The following EFL1 variants were observed in gnomAD, a reference collection of about 807,000 sequenced individuals.
The protein encoded by EFL1 is elongation factor like GTPase 1, also known as elongation factor-like GTPase 1.
EFL1 carries 76 observed loss-of-function variants against 126.7 expected under a neutral mutation model. The observed-to-expected ratio is 0.60, with a 90% CI of 0.50 to 0.73. The LOEUF is 0.73. Among genes scored for constraint, EFL1 ranks in the 30% least tolerant of loss-of-function variants. The pLI is 0.00. For missense variants in EFL1, 1,128 were observed against 1,343.2 expected (o/e 0.84, Z 2.50); for synonymous variants, 410 against 448.4 (o/e 0.91, Z 1.08).
intron 7 of EFL1, among the ~76,000 whole-genome samples, chr15:82,231,874 A>G (rs1355850849): frequency 1.3e-5 from 2 of 152,174 alleles, no homozygotes; most frequent in Non-Finnish European, 2.9e-5. Context: ...TGCCTCAAAA[A>G]GAAAGCAGGC....
At chr15:82,134,839 T>C (rs2073703661) in intron 19 of EFL1, among the ~76,000 whole-genome samples, 1 of 152,264 alleles carries the variant, frequency 6.6e-6, no homozygotes, top group Admixed American at 6.5e-5. Context: ...ATGAGATTGC[T>C]GACTTCAAAG....
intron 15 of EFL1, among the ~76,000 whole-genome samples, chr15:82,181,622 A>ATGTGTGTGTG (rs35063141): frequency 0.15 from 21,791 of 149,218 alleles, 2,917 homozygotes; most frequent in African/African-American, 0.36. Flanking sequence ...ATGTGTGTGC[A>ATGTGTGTGTG]TGTGTGTGTG....
In EFL1 at chr15:82,130,359, C is replaced by T. The variant is rs2141202960; in HGVS notation, c.*14G>A. ...AATTCACTATAAGGAAAAGAATCCA[C>T]CAGTAGTAGGTAGCTACTTATTTTT... On this transcript the variant is annotated 3_prime_UTR_variant, in exon 20 of 20. Coordinates refer to ENST00000268206, the MANE Select transcript of EFL1 (RefSeq NM_024580.6). The T allele has an allele frequency of 6.2e-7, 1 of 1,611,590 alleles. No homozygotes were observed. The highest frequency in any genetic ancestry group is 2.2e-5 in the East Asian group (1 of 44,842).
chr15:82,220,972 A>T (rs1250356037), intron 12 of EFL1, among the ~76,000 whole-genome samples: 1 of 152,148 alleles, frequency 6.6e-6, no homozygotes, highest in Non-Finnish European at 1.5e-5. Flanking sequence ...GTTTCCTAGG[A>T]CTTGGCTCCC....
At chr15:82,235,169 T>C (rs1449806919) in intron 7 of EFL1, among the ~76,000 whole-genome samples, 1 of 152,202 alleles carries the variant, frequency 6.6e-6, no homozygotes, top group African/African-American at 2.4e-5. Flanking sequence ...AGCTGAGTGA[T>C]GCTGAACAAA....
At chr15:82,206,905 A>C (rs1248410252) in intron 15 of EFL1, among the ~76,000 whole-genome samples, 1 of 152,148 alleles carries the variant, frequency 6.6e-6, no homozygotes, top group Non-Finnish European at 1.5e-5. Flanking sequence ...TATAATGCTG[A>C]TATCAAAACT....
Position 82,152,032 on chromosome 15 carries a change from C to T in EFL1, c.2422G>A (p.Glu808Lys), listed in dbSNP as rs2073915939. The T allele has an allele frequency of 6.2e-7, 1 of 1,613,988 alleles. No homozygotes were observed. The change falls in exon 18 of 20, where the codon GAG becomes AAG. Residue 808 changes from glutamate (E) to lysine (K), a missense_variant. Transcript: ENST00000268206. ...CATCTTCTCCCTGTTAGGTGTTGCTCCAGTTTTCCTTTGAATTCCCAAATT... is the reference window on the plus strand; with the variant it reads ...CATCTTCTCCCTGTTAGGTGTTGCTTCAGTTTTCCTTTGAATTCCCAAATT... The part of the protein sequence containing the change: ...EKIWEFKGKL[E>K]QHLTGRRWRN...
At chr15:82,261,609 C>T in intron 2 of EFL1, 79 bp downstream of exon 2, 1 of 1,358,834 alleles carries the variant, frequency 7.4e-7, no homozygotes, top group Non-Finnish European at 1.0e-6. Flanking sequence ...CTCAGCTGTC[C>T]ACAGCTTCAC....
intron 18 of EFL1, among the ~76,000 whole-genome samples, chr15:82,141,108 C>T (rs2073781963): frequency 6.6e-6 from 1 of 152,142 alleles, no homozygotes; most frequent in South Asian, 2.1e-4. Flanking sequence ...TGTGACTAGA[C>T]CTGTATTTCC....
intron 19 of EFL1, 95 bp from the exon 20 acceptor site, chr15:82,130,656 G>T: frequency 1.5e-6 from 2 of 1,350,708 alleles, no homozygotes; most frequent in Non-Finnish European, 2.0e-6. Context: ...CTTAGCTAAT[G>T]AAAAAAAGTT....
At chr15:82,181,386 ATC>A (rs2074249822) in intron 15 of EFL1, among the ~76,000 whole-genome samples, 2 of 152,216 alleles carry the variant, frequency 1.3e-5, no homozygotes, top group South Asian at 2.1e-4. Flanking sequence ...ACAGAAAAAT[ATC>A]TGTTACCTGA....
At chr15:82,252,449 T>G (rs1228616406) in intron 4 of EFL1, among the ~76,000 whole-genome samples, 1 of 152,200 alleles carries the variant, frequency 6.6e-6, no homozygotes, top group African/African-American at 2.4e-5. Flanking sequence ...AAGGAATCCA[T>G]ATAATCACCT....
intron 7 of EFL1, among the ~76,000 whole-genome samples, chr15:82,232,861 G>C (rs545969277): frequency 1.3e-5 from 2 of 151,952 alleles, no homozygotes; most frequent in East Asian, 3.9e-4. Flanking sequence ...TGGTACAACT[G>C]TTTTGATCAG....
At chr15:82,247,715 T>C (rs2074985624) in intron 4 of EFL1, among the ~76,000 whole-genome samples, 1 of 152,044 alleles carries the variant, frequency 6.6e-6, no homozygotes, top group Non-Finnish European at 1.5e-5. Context: ...TGTAGCGATG[T>C]TTGTTTCTCT....
chr15:82,240,240 G>A (rs1292559217), intron 6 of EFL1, among the ~76,000 whole-genome samples, 178 bp downstream of exon 6: 1 of 152,150 alleles, frequency 6.6e-6, no homozygotes, highest in African/African-American at 2.4e-5. Flanking sequence ...TCCAAGAGAT[G>A]GAAAAGACTA....
chr15:82,147,417 G>A (rs965517900), intron 18 of EFL1, among the ~76,000 whole-genome samples: 16 of 151,850 alleles, frequency 1.1e-4, no homozygotes, highest in Non-Finnish European at 2.2e-4. Context: ...ATCACTTGAG[G>A]CCAGGAGTTT....
At chr15:82,134,827 T>C (rs1337386233) in intron 19 of EFL1, among the ~76,000 whole-genome samples, 1 of 152,236 alleles carries the variant, frequency 6.6e-6, no homozygotes, top group Non-Finnish European at 1.5e-5. Flanking sequence ...GAAAGAGAAA[T>C]TATGAGATTG....
Position 82,201,031 on chromosome 15 carries a change from C to T in EFL1, c.1750+13686G>A, listed in dbSNP as rs370383446. On this transcript the variant is annotated intron_variant, in intron 15 of 19. Transcript: ENST00000268206. ...GAGACTACATGCAAGTGCCACCATGCCTGTTTTTTTATTTTTCTATTGTTT... is the reference window on the plus strand; with the variant it reads ...GAGACTACATGCAAGTGCCACCATGTCTGTTTTTTTATTTTTCTATTGTTT... Among the ~76,000 whole-genome samples the T allele has an allele frequency of 1.4e-3, 213 of 152,276 alleles. 1 individual carries two copies. The highest frequency in any genetic ancestry group is 4.9e-3 in the African/African-American group (205 of 41,558).
chr15:82,225,202 C>A lies in EFL1; in HGVS notation c.1255G>T (p.Ala419Ser), dbSNP rs772986932. 1.8e-5 allele frequency: 29 copies of A among 1,611,792 alleles called. No homozygotes were observed. Among genetic ancestry groups the A allele is most frequent in the Non-Finnish European group, 2.5e-5 (29 of 1,179,366 alleles). ...PVIIFVSKMFAVDAKALPQNK... is the reference protein window; with the variant it reads ...PVIIFVSKMFSVDAKALPQNK... ...TGAGGCAAGGCCTTAGCATCAACTGCAAACATTTTGGAAACAAATATAATA... is the reference window on the plus strand; with the variant it reads ...TGAGGCAAGGCCTTAGCATCAACTGAAAACATTTTGGAAACAAATATAATA... The change falls in exon 12 of 20, where the codon GCA becomes TCA. Residue 419 changes from alanine (A) to serine (S), a missense_variant. Physicochemically the swap from Ala to Ser is moderately conservative, Grantham distance 99. Transcript: ENST00000268206.
Sources: gnomAD v4.1 joint callset for allele counts (sites outside exome capture counted in the v4.1 genomes callset) on GRCh38, gnomAD v4.1.1 for gene constraint, MANE v1.5 for transcripts, NCBI Gene and HGNC (gene_info 2026-07-23, HGNC 2026-07-21) for gene names.